Variants in SHISA9 observed in about 807,000 individuals in gnomAD.
The protein encoded by SHISA9 is protein shisa-9.
A neutral mutation model predicts 38.0 loss-of-function variants in SHISA9; 13 were observed. The observed-to-expected ratio is 0.34, with a 90% CI of 0.22 to 0.54. The LOEUF (loss-of-function observed/expected upper bound fraction) is 0.54. Among genes scored for constraint, SHISA9 ranks in the 20% least tolerant of loss-of-function variants. The pLI is 0.91. For missense variants in SHISA9, 538 were observed against 575.8 expected, an observed-to-expected ratio of 0.93 and a Z score of 0.67; for synonymous variants, 275 against 242.0, an observed-to-expected ratio of 1.14 and a Z score of -1.27.
intron 2 of SHISA9, among the ~76,000 whole-genome samples, chr16:12,970,418 CA>C: frequency 1.0e-4 from 1 of 9,586 alleles, no homozygotes; most frequent in Admixed American, 2.6e-3. Context: ...TATATATATA[CA>C]CATATATGTA....
intron 2 of SHISA9, among the ~76,000 whole-genome samples, chr16:13,129,310 GCT>G (rs2050287731): frequency 6.6e-6 from 1 of 152,100 alleles, no homozygotes; most frequent in African/African-American, 2.4e-5. Context: ...AGTGAGCTTT[GCT>G]CCAAGCAGTC....
At position 13,019,955 on chromosome 16, in the gene SHISA9, CTT is replaced by C. The variant is rs1567184281; in HGVS notation, c.691+103142_691+103143del. 3.1e-4 allele frequency among the ~76,000 whole-genome samples: 33 copies of C among 107,012 alleles called. 1 individual carries two copies. The highest frequency in any genetic ancestry group is 4.5e-4 in the African/African-American group (13 of 28,802). The allele number at this position is 107,012 out of a possible 152,430, so 70.2% of individuals were successfully genotyped here. On this transcript the variant is annotated intron_variant, in intron 2 of 4. Transcript: ENST00000558583. Reference sequence around the variant, plus strand: ...TCTTTCTTTCTTTCTTTCTTTCTTTCTTTCCCTCCTTCTTTCCTTCCTTCCTT... The same window carrying C: ...TCTTTCTTTCTTTCTTTCTTTCTTTCTCCCTCCTTCTTTCCTTCCTTCCTT...
the SHISA9 span, among the ~76,000 whole-genome samples, chr16:13,472,469 C>T: frequency 3.6e-5 from 5 of 140,370 alleles, no homozygotes; most frequent in African/African-American, 5.3e-5. Flanking sequence ...TCGGCTCACT[C>T]CAAGCTCCGC....
the SHISA9 span, among the ~76,000 whole-genome samples, chr16:13,499,094 A>C: frequency 6.6e-6 from 1 of 152,236 alleles, no homozygotes; most frequent in Non-Finnish European, 1.5e-5. Context: ...TCTGGGGTAC[A>C]GTATCAGAGA....
the SHISA9 span, among the ~76,000 whole-genome samples, chr16:13,486,095 A>G: frequency 8.5e-5 from 13 of 152,206 alleles, no homozygotes; most frequent in Non-Finnish European, 1.8e-4. Flanking sequence ...AGGGGACCCC[A>G]TTCCTGCACG....
the SHISA9 span, among the ~76,000 whole-genome samples, chr16:13,550,466 C>T: frequency 1.3e-5 from 2 of 152,194 alleles, no homozygotes; most frequent in Non-Finnish European, 2.9e-5. Flanking sequence ...ATTTTAAAAA[C>T]TGTCCAAGTG....
chr16:13,295,765 T>G, the SHISA9 span, among the ~76,000 whole-genome samples: 1 of 152,104 alleles, frequency 6.6e-6, no homozygotes, highest in Non-Finnish European at 1.5e-5. Context: ...TGAAAACTAG[T>G]GATAAAAAAT....
chr16:13,549,551 GA>G, the SHISA9 span, among the ~76,000 whole-genome samples: 5 of 150,882 alleles, frequency 3.3e-5, no homozygotes, highest in South Asian at 2.1e-4. Flanking sequence ...TTATATTTAA[GA>G]AAAAAAAACT....
chr16:13,019,866 CCCTCCCTCCCTCCCTCCCTTCTTTCTTT>C lies in SHISA9; in HGVS notation c.691+103053_691+103080del, dbSNP rs1418951790. ...TCCTTCCCTCCCTCCCTCCCTCCCT[CCCTCCCTCCCTCCCTCCCTTCTTTCTTT>C]CTTTCTTTCTTTCTTTCTTTCTTTC... On this transcript the variant is annotated intron_variant, in intron 2 of 4. Transcript: ENST00000558583. Among the ~76,000 whole-genome samples the C allele has an allele frequency of 5.5e-3, 184 of 33,326 alleles. 3 individuals are homozygous for C. The highest frequency in any genetic ancestry group is 0.022 in the East Asian group (14 of 628). 21.9% of individuals were successfully genotyped at this position (33,326 alleles called of 152,430 possible).
chr16:13,300,845 TCTCTCCTCTCCTCTCCTCTC>T, the SHISA9 span, among the ~76,000 whole-genome samples: 380 of 133,168 alleles, frequency 2.9e-3, 3 homozygotes, highest in Non-Finnish European at 3.0e-3. Flanking sequence ...CCTCCCCTCT[TCTCTCCTCTCCTCTCCTCTC>T]CTCTCCTCTC....
At chr16:13,443,075 A>G in the SHISA9 span, among the ~76,000 whole-genome samples, 1 of 152,228 alleles carries the variant, frequency 6.6e-6, no homozygotes, top group Non-Finnish European at 1.5e-5. Context: ...ACGGCCCATA[A>G]AAGGACTTTC....
intron 2 of SHISA9, among the ~76,000 whole-genome samples, chr16:13,166,319 C>A (rs990934250): frequency 6.6e-6 from 1 of 152,196 alleles, no homozygotes; most frequent in Non-Finnish European, 1.5e-5. Flanking sequence ...CTTTCTCTTG[C>A]TTTTTTGCCT....
chr16:13,452,646 A>G, the SHISA9 span, among the ~76,000 whole-genome samples: 5 of 152,166 alleles, frequency 3.3e-5, no homozygotes, highest in Admixed American at 6.5e-5. Flanking sequence ...AGCTGATCAC[A>G]TCATTCAATA....
At chr16:13,345,865 G>A in the SHISA9 span, among the ~76,000 whole-genome samples, 3 of 152,122 alleles carry the variant, frequency 2.0e-5, no homozygotes, top group African/African-American at 7.2e-5. Context: ...CATTGGGCTT[G>A]TTTTCCTATG....
chr16:13,025,592 GC>G lies in SHISA9; in HGVS notation c.691+108779del, dbSNP rs147868774. On this transcript the variant is annotated intron_variant, in intron 2 of 4. Transcript: ENST00000558583. The stretch of plus-strand genomic sequence containing the variant: ...AATCTCCAGAGGATCCTAATATTGA[GC>G]CAGGGGTGGGAATCACCAACACACA... 6.5e-3 allele frequency among the ~76,000 whole-genome samples: 990 copies of G among 152,260 alleles called. 7 individuals carry two copies. The highest frequency in any genetic ancestry group is 0.02 in the Middle Eastern group (6 of 294).
chr16:13,254,938 T>A, the SHISA9 span, among the ~76,000 whole-genome samples: 1 of 152,244 alleles, frequency 6.6e-6, no homozygotes, highest in Non-Finnish European at 1.5e-5. Context: ...GAACTTGAGC[T>A]GTTTGAGCAG....
At chr16:13,417,639 A>T in the SHISA9 span, among the ~76,000 whole-genome samples, 1 of 152,220 alleles carries the variant, frequency 6.6e-6, no homozygotes, top group Admixed American at 6.5e-5. Flanking sequence ...GGCTTGACTG[A>T]ATGTCATCGT....
the SHISA9 span, among the ~76,000 whole-genome samples, chr16:13,517,785 C>G: frequency 1.3e-5 from 2 of 152,288 alleles, no homozygotes; most frequent in South Asian, 2.1e-4. Context: ...ATGGAGACAT[C>G]CCCTTCTGCA....
At chr16:13,145,111 A>G (rs1474952223) in intron 2 of SHISA9, among the ~76,000 whole-genome samples, 2 of 152,228 alleles carry the variant, frequency 1.3e-5, no homozygotes, top group Non-Finnish European at 2.9e-5. Context: ...TGCAGACCCT[A>G]TCGCAGGGAT....
Sources: allele counts gnomAD v4.1 joint callset (sites outside exome capture counted in the v4.1 genomes callset), GRCh38; gene constraint gnomAD v4.1.1; transcripts MANE v1.5; gene names NCBI Gene and HGNC (gene_info 2026-07-23, HGNC 2026-07-21).